Variants in LMBRD1 observed in about 807,000 individuals in gnomAD.
LMBRD1 encodes LMBR1 domain containing 1, also known as lysosomal cobalamin transport escort protein LMBD1.
LMBRD1 carries 64 observed loss-of-function variants against 74.8 expected under a neutral mutation model. The observed-to-expected ratio is 0.86, with a 90% CI of 0.70 to 1.05. LMBRD1 has a LOEUF of 1.05. Ranked by LOEUF, LMBRD1 falls within the 50% of genes least tolerant of loss-of-function variation. The pLI is 0.00. For missense variants in LMBRD1, 652 were observed against 645.9 expected, an observed-to-expected ratio of 1.01 and a Z score of -0.10; for synonymous variants, 204 against 216.3, an observed-to-expected ratio of 0.94 and a Z score of 0.50.
At chr6:69,728,265 A>G (rs896838964) in intron 7 of LMBRD1, among the ~76,000 whole-genome samples, 11 of 152,186 alleles carry the variant, frequency 7.2e-5, no homozygotes, top group Admixed American at 3.9e-4. Flanking sequence ...GTGCTAAACC[A>G]TTAGACACTA....
chr6:69,764,527 G>T (rs768835295), intron 3 of LMBRD1, among the ~76,000 whole-genome samples: 1 of 152,128 alleles, frequency 6.6e-6, no homozygotes. Flanking sequence ...CATTCTAGTT[G>T]ATGTGCTGGT....
intron 3 of LMBRD1, among the ~76,000 whole-genome samples, chr6:69,760,104 G>A (rs1028307767): frequency 1.6e-4 from 24 of 152,086 alleles, no homozygotes; most frequent in African/African-American, 5.6e-4. Context: ...CTACCATACT[G>A]AAGATGCATA....
chr6:69,782,517 T>G (rs1765857779), intron 2 of LMBRD1, among the ~76,000 whole-genome samples: 1 of 152,088 alleles, frequency 6.6e-6, no homozygotes, highest in Admixed American at 6.6e-5. Flanking sequence ...GTGGATTGCT[T>G]GAGGTCAGGA....
Position 69,796,933 on chromosome 6 carries a change from G to A in LMBRD1, c.-52C>T, listed in dbSNP as rs938244277. 1.0e-5 allele frequency: 15 copies of A among 1,501,706 alleles called. No individual in the cohort carries two copies. The highest frequency in any genetic ancestry group is 1.4e-5 in the Non-Finnish European group (15 of 1,084,722). 93.0% of individuals were successfully genotyped at this position (1,501,706 alleles called of 1,614,324 possible). ...AGCGCCCGGGGTGGGGAAAGGGGAG[G>A]GGGAAAGGGGAGAGAGCGCGAGATA... On this transcript the variant is annotated 5_prime_UTR_variant, in exon 1 of 16. Coordinates refer to ENST00000649934, the MANE Select transcript of LMBRD1 (RefSeq NM_018368.4).
Position 69,727,606 on chromosome 6 carries a change from T to C in LMBRD1, c.637-8525A>G, listed in dbSNP as rs547983603. Among the ~76,000 whole-genome samples the C allele has an allele frequency of 1.8e-4, 28 of 152,314 alleles. No homozygotes were observed. The South Asian group carries it at 2.9e-3, about 16-fold the overall frequency. ...CCTACTGGGTACAACATTCACAATT[T>C]GGGTGATGGCTACACTAAAAGCCTA... On this transcript the variant is annotated intron_variant, in intron 7 of 15. Transcript: ENST00000649934.
intron 14 of LMBRD1, among the ~76,000 whole-genome samples, chr6:69,677,907 T>C (rs1765579997): frequency 6.6e-6 from 1 of 152,194 alleles, no homozygotes; most frequent in South Asian, 2.1e-4. Context: ...AACCCCATAT[T>C]AGTTTTGTAC....
rs148676118 is a variant in LMBRD1 at position 69,688,252 on chromosome 6, T to C, written c.1417+9311A>G. Among the ~76,000 whole-genome samples, 724 of 152,246 alleles carry C rather than the reference T, an allele frequency of 4.8e-3. 8 individuals carry two copies. Among genetic ancestry groups the C allele is most frequent in the Middle Eastern group, 0.017 (5 of 294 alleles). On this transcript the variant is annotated intron_variant, in intron 14 of 15. Coordinates refer to ENST00000649934, the MANE Select transcript of LMBRD1 (RefSeq NM_018368.4). ...CTTAACATGAACATTTTAACTTTAA[T>C]TGGATAAATCCAACATCAGGTATCA...
At position 69,741,846 on chromosome 6, in the gene LMBRD1, T is replaced by C. The variant is rs762211130; in HGVS notation, c.505A>G (p.Lys169Glu). ...ACTTTTTCCCACTCTGTAGAATTTTTGTTATTGGGAACATTCAATGGAACA... is the reference window on the plus strand; with the variant it reads ...ACTTTTTCCCACTCTGTAGAATTTTCGTTATTGGGAACATTCAATGGAACA... The part of the protein sequence containing the change: ...AFVPLNVPNN[K>E]NSTEWEKVKS... The change falls in exon 6 of 16, where the codon AAA (lysine) becomes GAA (glutamate). Residue 169 changes from lysine to glutamate, a missense_variant. By Grantham distance (56) the Lys-to-Glu change is moderately conservative. Transcript: ENST00000649934. The C allele has an allele frequency of 6.2e-7, 1 of 1,605,624 alleles. No individual in the cohort carries two copies. Among genetic ancestry groups the C allele is most frequent in the East Asian group, 2.2e-5 (1 of 44,786 alleles).
chr6:69,754,330 A>C (rs1765227639), intron 3 of LMBRD1, among the ~76,000 whole-genome samples: 1 of 152,196 alleles, frequency 6.6e-6, no homozygotes, highest in Non-Finnish European at 1.5e-5. Context: ...GTATAATAAA[A>C]TCTAAATTAC....
intron 5 of LMBRD1, among the ~76,000 whole-genome samples, chr6:69,747,911 A>G (rs1206351172): frequency 1.3e-5 from 2 of 152,246 alleles, no homozygotes; most frequent in Non-Finnish European, 2.9e-5. Context: ...TTTGTCAATC[A>G]GTTAACCTAA....
intron 6 of LMBRD1, 56 bp downstream of exon 6, chr6:69,741,733 G>T (rs2149871389): frequency 1.9e-6 from 2 of 1,071,212 alleles, no homozygotes; most frequent in Non-Finnish European, 2.9e-6. Flanking sequence ...CTTCTCAAAA[G>T]TCCAAAGTAT....
intron 3 of LMBRD1, among the ~76,000 whole-genome samples, chr6:69,764,672 A>T (rs999220155): frequency 1.3e-5 from 2 of 152,136 alleles, no homozygotes; most frequent in Non-Finnish European, 2.9e-5. Flanking sequence ...TTTTAATTGA[A>T]TGGTTTTATT....
chr6:69,682,083 A>C (rs1765675219), intron 14 of LMBRD1, among the ~76,000 whole-genome samples: 1 of 151,936 alleles, frequency 6.6e-6, no homozygotes, highest in Non-Finnish European at 1.5e-5. Context: ...TGGAATACAT[A>C]CACGTAAAAA....
At chr6:69,706,790 T>C (rs1766268990) in intron 9 of LMBRD1, among the ~76,000 whole-genome samples, 1 of 152,180 alleles carries the variant, frequency 6.6e-6, no homozygotes, top group South Asian at 2.1e-4. Flanking sequence ...ACCACAGTTA[T>C]TATATCTTCA....
At chr6:69,723,442 T>C (rs1166234002) in intron 7 of LMBRD1, among the ~76,000 whole-genome samples, 2 of 152,124 alleles carry the variant, frequency 1.3e-5, no homozygotes, top group African/African-American at 2.4e-5. Context: ...CTTAACACAT[T>C]CACAAAAATT....
intron 9 of LMBRD1, among the ~76,000 whole-genome samples, chr6:69,708,652 C>CAAA (rs3070239): frequency 4.3e-4 from 63 of 146,950 alleles, no homozygotes; most frequent in Middle Eastern, 3.5e-3. Context: ...TTCATGGGAA[C>CAAA]AAAAAAAAAA....
intron 7 of LMBRD1, among the ~76,000 whole-genome samples, chr6:69,722,168 T>G (rs1426995413): frequency 6.6e-6 from 1 of 152,170 alleles, no homozygotes; most frequent in Non-Finnish European, 1.5e-5. Flanking sequence ...TAGAAAAATT[T>G]TACCCTAGAA....
rs142380185 is a variant in LMBRD1, at chr6:69,791,034, A to G, written c.70-562T>C. ...AAAAGTCAATGCTGAAAATGGATAC[A>G]TGTGCACAGCAAGGAGCTTTCCAGT... On this transcript the variant is annotated intron_variant, in intron 1 of 15. Coordinates refer to ENST00000649934, the MANE Select transcript of LMBRD1 (RefSeq NM_018368.4). 1.6e-4 allele frequency among the ~76,000 whole-genome samples: 24 copies of G among 152,342 alleles called. No homozygotes were observed. The East Asian group carries it at 3.5e-3, about 22-fold the overall frequency.
chr6:69,696,679 A>G (rs1766007994), intron 14 of LMBRD1, among the ~76,000 whole-genome samples: 1 of 151,710 alleles, frequency 6.6e-6, no homozygotes, highest in African/African-American at 2.4e-5. Context: ...TTCTTTTTTG[A>G]CTACTACTCC....
Sources: allele counts gnomAD v4.1 joint callset (sites outside exome capture counted in the v4.1 genomes callset), GRCh38; gene constraint gnomAD v4.1.1; transcripts MANE v1.5; gene names NCBI Gene and HGNC (gene_info 2026-07-23, HGNC 2026-07-21).